Variants in RARB observed in about 807,000 individuals in gnomAD.
RARB encodes the protein HBV-activated protein.
RARB carries 17 observed loss-of-function variants against 51.9 expected under a neutral mutation model. The ratio of observed to expected loss-of-function variants is 0.33; its 90% CI spans 0.22 to 0.49. RARB has a LOEUF of 0.49. RARB is among the 20% of genes least tolerant of loss of function. The probability of loss-of-function intolerance (pLI) is 0.99; values close to 1 mark genes in which losing one functional copy is unlikely to be tolerated. For missense variants in RARB, 369 were observed against 550.8 expected (o/e 0.67, Z 3.30); for synonymous variants, 215 against 195.4 (o/e 1.10, Z -0.84).
chr3:25,132,369 C>T (rs191081453), intron 4 of RARB, among the ~76,000 whole-genome samples: 1 of 152,006 alleles, frequency 6.6e-6, no homozygotes, highest in Non-Finnish European at 1.5e-5. Context: ...TCACAACAAC[C>T]TTAGGAAACC....
At chr3:25,212,642 T>G (rs1319951304) in intron 5 of RARB, among the ~76,000 whole-genome samples, 1 of 152,162 alleles carries the variant, frequency 6.6e-6, no homozygotes, top group East Asian at 1.9e-4. Flanking sequence ...GTGAATCTCA[T>G]TAATTCTGAG....
intron 2 of RARB, among the ~76,000 whole-genome samples, chr3:25,030,142 T>G (rs1280038912): frequency 2.0e-5 from 3 of 152,226 alleles, no homozygotes; most frequent in African/African-American, 4.8e-5. Flanking sequence ...TATTATTATG[T>G]TACTGGAAAA....
intron 2 of RARB, among the ~76,000 whole-genome samples, chr3:25,471,380 C>G (rs919956766): frequency 1.3e-5 from 2 of 152,182 alleles, no homozygotes; most frequent in East Asian, 1.9e-4. Flanking sequence ...ACCTCCATAT[C>G]GAGGAACCTC....
chr3:25,139,561 G>C (rs1033210878), intron 4 of RARB, among the ~76,000 whole-genome samples: 1 of 152,148 alleles, frequency 6.6e-6, no homozygotes, highest in African/African-American at 2.4e-5. Context: ...GAAACTAGCA[G>C]AAGTTGGTTT....
At chr3:25,566,760 A>G (rs1700511399) in intron 3 of RARB, among the ~76,000 whole-genome samples, 2 of 152,210 alleles carry the variant, frequency 1.3e-5, no homozygotes, top group African/African-American at 2.4e-5. Context: ...TTAGGAGCAG[A>G]CACAGGTCCT....
At chr3:24,938,305 A>G (rs995106047) in intron 2 of RARB, among the ~76,000 whole-genome samples, 4 of 152,164 alleles carry the variant, frequency 2.6e-5, no homozygotes, top group Non-Finnish European at 5.9e-5. Context: ...TGACGGCCCT[A>G]GAGTCTTTCG....
At chr3:25,405,640 CAATTTA>C (rs1296092468) in intron 5 of RARB, among the ~76,000 whole-genome samples, 3 of 152,290 alleles carry the variant, frequency 2.0e-5, no homozygotes, top group Admixed American at 1.3e-4. Context: ...CCACATGTGG[CAATTTA>C]AATTTAAATG....
At chr3:24,896,047 C>T (rs963890122) in intron 2 of RARB, among the ~76,000 whole-genome samples, 35 of 152,066 alleles carry the variant, frequency 2.3e-4, no homozygotes, top group African/African-American at 7.7e-4. Context: ...AATGAAATTC[C>T]GTTACATGAT....
At chr3:25,336,944 A>T (rs1476116813) in intron 5 of RARB, among the ~76,000 whole-genome samples, 1 of 152,198 alleles carries the variant, frequency 6.6e-6, no homozygotes, top group African/African-American at 2.4e-5. Context: ...ACAAGGAAGT[A>T]AATGAAGCTG....
intron 5 of RARB, among the ~76,000 whole-genome samples, chr3:25,231,255 G>GTCC (rs1702169041): frequency 1.3e-5 from 2 of 152,226 alleles, no homozygotes; most frequent in African/African-American, 4.8e-5. Context: ...TCAAGACAGG[G>GTCC]TCCAGCAAAG....
chr3:24,991,127 AATAG>A (rs1696900774), intron 2 of RARB, among the ~76,000 whole-genome samples: 1 of 152,178 alleles, frequency 6.6e-6, no homozygotes, highest in South Asian at 2.1e-4. Flanking sequence ...GAATTTTCTA[AATAG>A]ATAATTATCT....
chr3:25,114,268 C>A (rs984713376), intron 3 of RARB, among the ~76,000 whole-genome samples: 2 of 152,204 alleles, frequency 1.3e-5, no homozygotes, highest in Admixed American at 1.3e-4. Context: ...GCAGCACTCT[C>A]TGCTCTGAAG....
chr3:25,170,261 T>G (rs1043328596), intron 4 of RARB, among the ~76,000 whole-genome samples: 2 of 152,192 alleles, frequency 1.3e-5, no homozygotes, highest in Non-Finnish European at 2.9e-5. Context: ...TTAGCAGTAG[T>G]GACAGAGACT....
At chr3:24,934,662 T>C (rs61471010) in intron 2 of RARB, among the ~76,000 whole-genome samples, 1,531 of 152,248 alleles carry the variant, frequency 0.01, 30 homozygotes, top group African/African-American at 0.032. Flanking sequence ...ATTCAAAATA[T>C]GAATATTTTT....
intron 2 of RARB, among the ~76,000 whole-genome samples, chr3:25,023,130 T>C (rs1003175473): frequency 4.6e-5 from 7 of 152,132 alleles, no homozygotes; most frequent in African/African-American, 7.2e-5. Flanking sequence ...GGAGTCCCCT[T>C]TCTGTGGCTA....
At chr3:25,365,804 G>A (rs551264644) in intron 5 of RARB, among the ~76,000 whole-genome samples, 4 of 152,186 alleles carry the variant, frequency 2.6e-5, no homozygotes, top group East Asian at 1.9e-4. Flanking sequence ...CTTGTTATGG[G>A]GGCAGCTCCA....
rs558150067 is a variant in RARB at position 25,238,540 on chromosome 3, G to C, written c.178+63965G>C. Among the ~76,000 whole-genome samples the C allele has an allele frequency of 4.6e-5, 7 of 152,284 alleles. No individual in the cohort carries two copies. The South Asian group carries it at 1.5e-3, about 32-fold the overall frequency. ...TAAATACCCAGGAATGGAATTGCTG[G>C]ATTGTATAGTAGTTGCATTTTTAGT... On this transcript the variant is annotated intron_variant, in intron 5 of 11. Coordinates refer to the RARB transcript ENST00000383772.
At chr3:25,445,338 T>A (rs770197200) in intron 1 of RARB, among the ~76,000 whole-genome samples, 10 of 152,216 alleles carry the variant, frequency 6.6e-5, no homozygotes, top group Non-Finnish European at 1.2e-4. Flanking sequence ...GGGTGGCATA[T>A]GTCAGTAGAC....
At chr3:25,343,524 C>G (rs1272022504) in intron 5 of RARB, among the ~76,000 whole-genome samples, 1 of 150,862 alleles carries the variant, frequency 6.6e-6, no homozygotes, top group Non-Finnish European at 1.5e-5. Context: ...AGCCAAAATG[C>G]TTAAGAAAAA....
Sources: allele counts gnomAD v4.1 joint callset (sites outside exome capture counted in the v4.1 genomes callset), GRCh38; gene constraint gnomAD v4.1.1; transcripts MANE v1.5; gene names NCBI Gene and HGNC (gene_info 2026-07-23, HGNC 2026-07-21).